The following BCAS3 variants were observed in gnomAD, a reference collection of about 807,000 sequenced individuals.
BCAS3 encodes the protein BCAS4/BCAS3 fusion.
A neutral mutation model predicts 116.1 loss-of-function variants in BCAS3; 53 were observed. The ratio of observed to expected loss-of-function variants is 0.46; its 90% CI spans 0.37 to 0.57. The LOEUF (loss-of-function observed/expected upper bound fraction) is 0.57, where lower values mean the gene tolerates loss of function less well. Ranked by LOEUF, BCAS3 falls within the 20% of genes least tolerant of loss-of-function variation. The pLI is 0.00. For missense variants in BCAS3, 917 were observed against 1,165.4 expected (o/e 0.79, Z 3.10); for synonymous variants, 391 against 408.2 (o/e 0.96, Z 0.51).
intron 22 of BCAS3, among the ~76,000 whole-genome samples, chr17:61,329,738 G>T (rs920299670): frequency 6.6e-6 from 1 of 152,102 alleles, no homozygotes; most frequent in Admixed American, 6.6e-5. Flanking sequence ...AATAGCTCCG[G>T]GTGAGGGTGA....
intron 8 of BCAS3, 100 bp downstream of exon 8, chr17:60,868,783 T>A (rs559870934): frequency 4.8e-6 from 3 of 629,178 alleles, no homozygotes; most frequent in East Asian, 3.3e-5. Flanking sequence ...GATTTATTTT[T>A]AAAAATCTCA....
intron 22 of BCAS3, among the ~76,000 whole-genome samples, chr17:61,090,931 A>C (rs2073507925): frequency 6.6e-6 from 1 of 152,224 alleles, no homozygotes; most frequent in Non-Finnish European, 1.5e-5. Context: ...CTGGGATTAC[A>C]GGCGTGAGCC....
chr17:60,959,008 A>G (rs1253574099), intron 14 of BCAS3, among the ~76,000 whole-genome samples: 2 of 152,200 alleles, frequency 1.3e-5, no homozygotes, highest in Non-Finnish European at 2.9e-5. Flanking sequence ...TGGGTTAGGG[A>G]CAGACTTTTA....
rs1023811159 is a variant in BCAS3, at chr17:61,381,833, C to T, written c.2594-10144C>T. ...GTGAGCAGCATGTGGGACTCTAACA[C>T]AGGAGCTGGCCAGGAGTCTTAAAGG... On this transcript the variant is annotated intron_variant, in intron 23 of 23. Coordinates refer to ENST00000407086, the MANE Select transcript of BCAS3 (RefSeq NM_017679.5). The surrounding 1 kb of genome is among the most constrained non-coding windows in gnomAD (Gnocchi z 6.0). Among the ~76,000 whole-genome samples, 8 of 152,054 alleles carry T rather than the reference C, an allele frequency of 5.3e-5. No individual in the cohort carries two copies. The highest frequency in any genetic ancestry group is 7.4e-5 in the Non-Finnish European group (5 of 68,022).
At chr17:60,841,622 C>T (rs573220048) in intron 7 of BCAS3, among the ~76,000 whole-genome samples, 3 of 150,692 alleles carry the variant, frequency 2.0e-5, no homozygotes, top group Admixed American at 1.3e-4. Flanking sequence ...CCTCGTGATC[C>T]GCCCGCCTCG....
chr17:60,729,307 T>C (rs1447733879), intron 5 of BCAS3, among the ~76,000 whole-genome samples: 1 of 151,646 alleles, frequency 6.6e-6, no homozygotes, highest in Non-Finnish European at 1.5e-5. Context: ...CTTGTAGATA[T>C]GTGGACTCTT....
Position 61,004,577 on chromosome 17 carries a change from A to T in BCAS3, c.1487-11174A>T, listed in dbSNP as rs1418645831. On this transcript the variant is annotated intron_variant, in intron 15 of 23. Transcript: ENST00000407086. The surrounding 1 kb of genome is among the most constrained non-coding windows in gnomAD (Gnocchi z 4.8). ...CTAGTTGATAGTTGTAAACTACAAA[A>T]GGACAACAAGACAGGGATCAGGGCT... 2.0e-5 allele frequency among the ~76,000 whole-genome samples: 3 copies of T among 152,148 alleles called. No individual in the cohort carries two copies. The highest frequency in any genetic ancestry group is 4.4e-5 in the Non-Finnish European group (3 of 68,016).
intron 22 of BCAS3, among the ~76,000 whole-genome samples, chr17:61,101,861 A>G (rs755433507): frequency 5.9e-5 from 9 of 152,174 alleles, no homozygotes; most frequent in Non-Finnish European, 1.2e-4. Flanking sequence ...TGGGGACTGC[A>G]GTACCTTTAA....
At chr17:61,025,667 TGA>T (rs1260110462) in intron 16 of BCAS3, among the ~76,000 whole-genome samples, 2 of 152,122 alleles carry the variant, frequency 1.3e-5, no homozygotes, top group Non-Finnish European at 2.9e-5. Flanking sequence ...CTTATCTAAC[TGA>T]GAGAGAGCTA....
intron 22 of BCAS3, among the ~76,000 whole-genome samples, chr17:61,183,960 A>G (rs1250256497): frequency 2.6e-5 from 4 of 152,240 alleles, no homozygotes; most frequent in African/African-American, 9.6e-5. Flanking sequence ...CTGCAAATGC[A>G]GAAGAATTTT....
chr17:60,976,425 C>T (rs1436025003), intron 14 of BCAS3, among the ~76,000 whole-genome samples: 3 of 139,586 alleles, frequency 2.1e-5, no homozygotes, highest in African/African-American at 2.9e-5. Context: ...CTTTTGGAAA[C>T]AATATATATA....
At chr17:61,133,578 T>A (rs2076452068) in intron 22 of BCAS3, among the ~76,000 whole-genome samples, 2 of 152,146 alleles carry the variant, frequency 1.3e-5, no homozygotes, top group African/African-American at 4.8e-5. Flanking sequence ...GAAGAAAGAC[T>A]TAGTAATTTT....
chr17:60,976,746 G>A (rs1031197951), intron 14 of BCAS3, among the ~76,000 whole-genome samples: 6 of 152,130 alleles, frequency 3.9e-5, no homozygotes, highest in Non-Finnish European at 7.4e-5. Flanking sequence ...CAGAGAGCAC[G>A]GGGTTGGGGG....
At chr17:61,374,275 A>G (rs1300942853) in intron 23 of BCAS3, among the ~76,000 whole-genome samples, 1 of 151,176 alleles carries the variant, frequency 6.6e-6, no homozygotes, top group African/African-American at 2.4e-5. Flanking sequence ...GGTTCAAGCA[A>G]TTCTCATGCC....
intron 22 of BCAS3, among the ~76,000 whole-genome samples, chr17:61,269,781 C>T (rs2050078983): frequency 6.6e-6 from 1 of 150,952 alleles, no homozygotes; most frequent in African/African-American, 2.4e-5. Context: ...TATTCAATTC[C>T]TTTGGCCTTT....
chr17:60,773,992 G>C (rs537718560), intron 6 of BCAS3, among the ~76,000 whole-genome samples: 1 of 152,278 alleles, frequency 6.6e-6, no homozygotes, highest in Admixed American at 6.5e-5. Flanking sequence ...TCCTTTATCA[G>C]ATAAGGCTTT....
At chr17:60,741,010 T>G (rs1370614579) in intron 5 of BCAS3, among the ~76,000 whole-genome samples, 1 of 152,166 alleles carries the variant, frequency 6.6e-6, no homozygotes, top group Non-Finnish European at 1.5e-5. Context: ...TTTTACAATT[T>G]TTAATTTTTA....
At chr17:60,880,640 C>G (rs1254151226) in intron 9 of BCAS3, among the ~76,000 whole-genome samples, 1 of 152,160 alleles carries the variant, frequency 6.6e-6, no homozygotes, top group Non-Finnish European at 1.5e-5. Flanking sequence ...TTTGTTTCTA[C>G]TTTTGGGCTG....
intron 5 of BCAS3, among the ~76,000 whole-genome samples, chr17:60,725,056 A>G (rs1232959806): frequency 1.3e-5 from 2 of 152,036 alleles, no homozygotes; most frequent in Non-Finnish European, 2.9e-5. Flanking sequence ...GGCTCTCATT[A>G]TGTTACGCAG....
Sources: gnomAD v4.1 joint callset for allele counts (sites outside exome capture counted in the v4.1 genomes callset) on GRCh38, gnomAD v4.1.1 for gene constraint, Gnocchi (gnomAD v3.1) non-coding constraint, MANE v1.5 for transcripts, NCBI Gene and HGNC (gene_info 2026-07-23, HGNC 2026-07-21) for gene names.